Variants in USP54 observed in about 807,000 individuals in gnomAD.
USP54 encodes ubiquitin carboxyl-terminal hydrolase 54.
Under a neutral mutation model 170.5 loss-of-function variants are expected in USP54, and 87 were observed. The observed-to-expected ratio is 0.51, with a 90% confidence interval of 0.43 to 0.61. The LOEUF is 0.61. Ranked by LOEUF, USP54 falls within the 20% of genes least tolerant of loss-of-function variation. The pLI, the probability that USP54 is intolerant of heterozygous loss-of-function variation, is 0.00. For synonymous variants in USP54, 655 were observed against 742.8 expected (o/e 0.88, Z 1.92); for missense variants, 1,786 against 2,047.8 (o/e 0.87, Z 2.47).
chr10:73,516,340 TC>T (rs2061083227), intron 20 of USP54, 34 bp downstream of exon 20: 2 of 1,567,478 alleles, frequency 1.3e-6, no homozygotes, highest in Non-Finnish European at 1.7e-6. Context: ...TATATGATCC[TC>T]CCCCCTCCCC....
chr10:73,613,461 C>T (rs1476125245), intron 1 of USP54, among the ~76,000 whole-genome samples: 2 of 150,832 alleles, frequency 1.3e-5, no homozygotes, highest in Admixed American at 6.6e-5. Context: ...TTTTTTGAGA[C>T]CCTGTCACCC....
intron 1 of USP54, among the ~76,000 whole-genome samples, chr10:73,624,198 A>ATTTAT (rs2081328454): frequency 9.8e-6 from 1 of 102,494 alleles, no homozygotes; most frequent in Non-Finnish European, 1.9e-5. Flanking sequence ...ATATATATGT[A>ATTTAT]TTTTTTTTTT....
chr10:73,536,167 T>C, intron 11 of USP54, 102 bp downstream of exon 11: 2 of 1,487,098 alleles, frequency 1.3e-6, no homozygotes, highest in South Asian at 1.2e-5. Flanking sequence ...ATCCTCTTTC[T>C]CCAAGCTAGG....
At chr10:73,540,599 G>T (rs1177957217) in intron 9 of USP54, among the ~76,000 whole-genome samples, 1 of 152,146 alleles carries the variant, frequency 6.6e-6, no homozygotes, top group Non-Finnish European at 1.5e-5. Flanking sequence ...AATTGCTTTT[G>T]TTTTTAAGAG....
At chr10:73,502,842 A>G (rs755507006) in intron 22 of USP54, among the ~76,000 whole-genome samples, 24 of 152,076 alleles carry the variant, frequency 1.6e-4, no homozygotes, top group African/African-American at 5.3e-4. Flanking sequence ...TGCAGCTTAT[A>G]TATCTCATTC....
intron 16 of USP54, among the ~76,000 whole-genome samples, chr10:73,526,205 A>T (rs1269495820): frequency 3.3e-5 from 5 of 152,184 alleles, no homozygotes. Flanking sequence ...GGAGCAACTG[A>T]AATGACTCTA....
chr10:73,545,046 C>T (rs1034776107), intron 5 of USP54, among the ~76,000 whole-genome samples: 7 of 152,018 alleles, frequency 4.6e-5, no homozygotes, highest in African/African-American at 1.7e-4. Flanking sequence ...GAGAGTCTTT[C>T]GAAGGTTGAT....
At chr10:73,566,558 C>T (rs945977179) in intron 4 of USP54, among the ~76,000 whole-genome samples, 1 of 151,776 alleles carries the variant, frequency 6.6e-6, no homozygotes. Context: ...TGGTGAAACC[C>T]CATCTCTACT....
intron 11 of USP54, among the ~76,000 whole-genome samples, chr10:73,535,217 A>G (rs1435293770): frequency 1.3e-5 from 2 of 152,202 alleles, no homozygotes; most frequent in African/African-American, 4.8e-5. Context: ...TGCATTTTTA[A>G]TGACTCTGAG....
intron 1 of USP54, among the ~76,000 whole-genome samples, chr10:73,614,772 T>A (rs895534944): frequency 4.0e-5 from 6 of 149,160 alleles, no homozygotes; most frequent in Admixed American, 1.3e-4. Context: ...AGTTAAAGAG[T>A]TAAATAAGCT....
intron 20 of USP54, among the ~76,000 whole-genome samples, chr10:73,510,859 A>G (rs979858980): frequency 3.9e-5 from 6 of 152,204 alleles, no homozygotes; most frequent in Admixed American, 2.0e-4. Context: ...AAGTACAATG[A>G]AATTCAGAAT....
intron 4 of USP54, among the ~76,000 whole-genome samples, chr10:73,551,317 C>T (rs1003483053): frequency 1.3e-5 from 2 of 152,132 alleles, no homozygotes; most frequent in Non-Finnish European, 2.9e-5. Flanking sequence ...GTTATAATTA[C>T]TCCACATTAT....
intron 1 of USP54, among the ~76,000 whole-genome samples, chr10:73,617,447 C>G (rs879481129): frequency 6.8e-6 from 1 of 147,096 alleles, no homozygotes; most frequent in African/African-American, 2.7e-5. Flanking sequence ...CAGAGAGAGA[C>G]TCTGTCTAAA....
chr10:73,563,180 C>T (rs2073464557), intron 4 of USP54, among the ~76,000 whole-genome samples: 1 of 152,204 alleles, frequency 6.6e-6, no homozygotes. Context: ...GTCTCAAACT[C>T]CTGAGCTCAG....
chr10:73,607,128 G>T (rs1476978047), intron 1 of USP54, among the ~76,000 whole-genome samples: 1 of 151,342 alleles, frequency 6.6e-6, no homozygotes, highest in African/African-American at 2.4e-5. Flanking sequence ...TGGGCAACAT[G>T]GTGAAACCCC....
chr10:73,552,617 C>G (rs1164107607), intron 4 of USP54, among the ~76,000 whole-genome samples: 1 of 151,896 alleles, frequency 6.6e-6, no homozygotes, highest in African/African-American at 2.4e-5. Flanking sequence ...ATTGTGAAAC[C>G]CCATCTCTAC....
At chr10:73,591,882 A>C (rs985422315), upstream of USP54, among the ~76,000 whole-genome samples, 1 of 152,192 alleles carries the variant, frequency 6.6e-6, no homozygotes, top group African/African-American at 2.4e-5. Flanking sequence ...AATTAAATCA[A>C]ATCATTTTAA....
chr10:73,623,887 T>C (rs1190127475), intron 1 of USP54, among the ~76,000 whole-genome samples: 1 of 152,024 alleles, frequency 6.6e-6, no homozygotes, highest in African/African-American at 2.4e-5. Context: ...TCAATAAATA[T>C]TAAGTGGCTA....
At chr10:73,624,198 A>ATGTATT (rs1554955712) in intron 1 of USP54, among the ~76,000 whole-genome samples, 22 of 102,434 alleles carry the variant, frequency 2.1e-4, no homozygotes, top group African/African-American at 9.1e-4. Context: ...ATATATATGT[A>ATGTATT]TTTTTTTTTT....
Sources: allele counts gnomAD v4.1 joint callset (sites outside exome capture counted in the v4.1 genomes callset), GRCh38; gene constraint gnomAD v4.1.1; transcripts MANE v1.5; gene names NCBI Gene and HGNC (gene_info 2026-07-23, HGNC 2026-07-21).